Variants in ITPR1 observed in about 807,000 individuals in gnomAD.
The protein encoded by ITPR1 is inositol 1,4,5-trisphosphate-gated calcium channel ITPR1.
Under a neutral mutation model 318.4 loss-of-function variants are expected in ITPR1, and 96 were observed. That is an observed-to-expected ratio of 0.30 (90% confidence interval 0.26 to 0.36). The LOEUF (loss-of-function observed/expected upper bound fraction) is 0.36. Ranked by LOEUF, ITPR1 falls within the 10% of genes least tolerant of loss-of-function variation. ITPR1 has a pLI of 1.00. For synonymous variants in ITPR1, 1,312 were observed against 1,289.9 expected, an observed-to-expected ratio of 1.02 and a Z score of -0.37; for missense variants, 2,440 against 3,460.2, an observed-to-expected ratio of 0.71 and a Z score of 7.40.
intron 52 of ITPR1, among the ~76,000 whole-genome samples, chr3:4,794,012 C>T (rs974961303): frequency 3.2e-4 from 49 of 152,190 alleles, no homozygotes; most frequent in African/African-American, 1.2e-3. Flanking sequence ...CGCAAAGTTA[C>T]ATGATGACTT....
chr3:4,704,590 G>T (rs1314737510), intron 36 of ITPR1, among the ~76,000 whole-genome samples: 2 of 152,170 alleles, frequency 1.3e-5, no homozygotes, highest in African/African-American at 2.4e-5. Context: ...GCTTGTTGAG[G>T]CCAAAGGAAA....
In ITPR1 at chr3:4,818,074, AT is replaced by A; in HGVS notation, c.7868-3del. 1.9e-6 allele frequency: 3 copies of A among 1,590,542 alleles called. No homozygotes were observed. Among genetic ancestry groups the A allele is most frequent in the East Asian group, 2.3e-5 (1 of 44,306 alleles). On this transcript the variant is annotated splice_region_variant and splice_polypyrimidine_tract_variant and intron_variant, in intron 59 of 61. Transcript: ENST00000649015. ...GCTGGGGCTGGGGGCTTTTTGTCTC[AT>A]TTTTAGGCTTGGAAAGAGACAAGTT...
At chr3:4,685,491 T>A (rs959388428) in intron 30 of ITPR1, among the ~76,000 whole-genome samples, 2 of 152,240 alleles carry the variant, frequency 1.3e-5, no homozygotes, top group Non-Finnish European at 2.9e-5. Flanking sequence ...TTGGTCTGTG[T>A]CAGAGCTTAG....
At position 4,544,353 on chromosome 3, in the gene ITPR1, G is replaced by C. The variant is rs77960420; in HGVS notation, c.163+23259G>C. ...AATACCAGCTTTTGTCGACAGTACA[G>C]GTAATGTAACTATCCACAGGAGCAA... On this transcript the variant is annotated intron_variant, in intron 4 of 61. Transcript: ENST00000649015. Among the ~76,000 whole-genome samples the C allele has an allele frequency of 8.3e-4, 126 of 152,310 alleles. 2 individuals are homozygous for C. Among genetic ancestry groups the C allele is most frequent in the African/African-American group, 2.9e-3 (119 of 41,570 alleles).
intron 53 of ITPR1, 191 bp from the exon 54 acceptor site, chr3:4,800,234 T>C (rs1052159318): frequency 3.7e-6 from 2 of 546,876 alleles, no homozygotes; most frequent in South Asian, 5.3e-5. Context: ...AGAAGGAGCA[T>C]GTGTGGAGGC....
intron 4 of ITPR1, among the ~76,000 whole-genome samples, chr3:4,612,063 C>CTTTT (rs34678180): frequency 2.5e-4 from 27 of 108,554 alleles, no homozygotes; most frequent in Admixed American, 3.6e-4. Flanking sequence ...GTATCAGGCC[C>CTTTT]TTTTTTTTTT....
chr3:4,812,056 TC>T (rs1463820827), intron 56 of ITPR1, among the ~76,000 whole-genome samples: 328 of 129,822 alleles, frequency 2.5e-3, no homozygotes, highest in African/African-American at 8.7e-3. Flanking sequence ...TTTTTTTTTT[TC>T]GAGACAGGAT....
chr3:4,817,303 C>T (rs1483377088), intron 59 of ITPR1: 1 of 152,190 alleles, frequency 6.6e-6, no homozygotes, highest in Non-Finnish European at 1.5e-5. Context: ...CTGCTGCTCT[C>T]AGGGCTTATT....
chr3:4,846,256 TTTATAATTATTA>T lies in ITPR1; in HGVS notation c.*35_*46del. ...TGAAAGAAAGGAATTGTATTTACCT[TTTATAATTATTA>T]TTAGTGTGGGTATGGCTAATGAGTT... is the stretch of plus-strand genomic sequence containing the variant. On this transcript the variant is annotated 3_prime_UTR_variant, in exon 62 of 62. Transcript: ENST00000649015. 1.4e-6 allele frequency: 2 copies of T among 1,413,598 alleles called. No homozygotes were observed. The highest frequency in any genetic ancestry group is 2.0e-6 in the Non-Finnish European group (2 of 1,022,510). The allele number at this position is 1,413,598 out of a possible 1,614,324, so 87.6% of individuals were successfully genotyped here. A position where few individuals can be genotyped will look rare whatever the true frequency, so the allele number is the denominator to read the frequency against.
chr3:4,558,768 C>T (rs1349340810), intron 4 of ITPR1, among the ~76,000 whole-genome samples: 1 of 152,010 alleles, frequency 6.6e-6, no homozygotes, highest in African/African-American at 2.4e-5. Context: ...ACAGTGATCC[C>T]CCAAGAACCC....
intron 4 of ITPR1, among the ~76,000 whole-genome samples, chr3:4,613,673 A>C (rs1374439290): frequency 1.3e-5 from 2 of 152,200 alleles, no homozygotes. Flanking sequence ...TTTTTCCAGC[A>C]GTGCAAATTG....
At chr3:4,629,900 CA>C (rs1242856309) in intron 5 of ITPR1, among the ~76,000 whole-genome samples, 1 of 152,154 alleles carries the variant, frequency 6.6e-6, no homozygotes, top group African/African-American at 2.4e-5. Flanking sequence ...ACAATGGACT[CA>C]AAGACTTGGA....
At chr3:4,791,271 C>T (rs1401629570) in intron 52 of ITPR1, among the ~76,000 whole-genome samples, 1 of 152,162 alleles carries the variant, frequency 6.6e-6, no homozygotes, top group South Asian at 2.1e-4. Context: ...AAGTAGAAAA[C>T]GTGCTGTAAG....
At chr3:4,845,344 T>G (rs1310328163) in intron 61 of ITPR1, among the ~76,000 whole-genome samples, 1 of 152,204 alleles carries the variant, frequency 6.6e-6, no homozygotes, top group Admixed American at 6.5e-5. Flanking sequence ...AAGGAAAATC[T>G]TAATACAGAG....
chr3:4,669,306 C>T lies in ITPR1; in HGVS notation c.1887-348C>T, dbSNP rs117855521. ...TAAGATCCTAACTGGGCTTCCAACA[C>T]ACGTAGCCAAACATCAGGGCGTTGC... On this transcript the variant is annotated intron_variant, in intron 18 of 61. Coordinates refer to ENST00000649015, the MANE Select transcript of ITPR1 (RefSeq NM_001378452.1). Among the ~76,000 whole-genome samples the T allele has an allele frequency of 9.2e-5, 14 of 152,360 alleles. No homozygotes were observed. The East Asian group carries it at 2.5e-3, about 27-fold the overall frequency.
intron 2 of ITPR1, among the ~76,000 whole-genome samples, chr3:4,496,879 G>A (rs2080621983): frequency 6.6e-6 from 1 of 152,042 alleles, no homozygotes; most frequent in African/African-American, 2.4e-5. Context: ...ATGAACAACA[G>A]AAAAAAACAG....
chr3:4,711,908 A>G (rs2041400382), intron 39 of ITPR1, 40 bp downstream of exon 39: 1 of 1,093,686 alleles, frequency 9.1e-7, no homozygotes, highest in Non-Finnish European at 1.3e-6. Flanking sequence ...AGGTTTTACT[A>G]TGAAACTGAA....
intron 4 of ITPR1, among the ~76,000 whole-genome samples, chr3:4,542,255 C>G (rs1167010018): frequency 1.3e-5 from 2 of 152,114 alleles, no homozygotes; most frequent in African/African-American, 4.8e-5. Context: ...TTGGCTGTTT[C>G]TGAAAATGGT....
intron 4 of ITPR1, among the ~76,000 whole-genome samples, chr3:4,555,635 A>G (rs950976909): frequency 2.0e-5 from 3 of 152,196 alleles, no homozygotes; most frequent in Non-Finnish European, 4.4e-5. Context: ...TCTACAATCT[A>G]GTTTTTTTCA....
Sources: gnomAD v4.1 joint callset for allele counts (sites outside exome capture counted in the v4.1 genomes callset) on GRCh38, gnomAD v4.1.1 for gene constraint, MANE v1.5 for transcripts, NCBI Gene and HGNC (gene_info 2026-07-23, HGNC 2026-07-21) for gene names.